C12orf42: variants seen among roughly 807,000 people sequenced by gnomAD.
The protein encoded by C12orf42 is chromosome 12 open reading frame 42.
Under a neutral mutation model 21.6 loss-of-function variants are expected in C12orf42, and 25 were observed. The ratio of observed to expected loss-of-function variants is 1.16; its 90% CI spans 0.84 to 1.62. The LOEUF is 1.62. Among genes scored for constraint, C12orf42 ranks in the 40% most tolerant of loss-of-function variants. The pLI is 0.00. For missense variants in C12orf42, 483 were observed against 459.3 expected (o/e 1.05, Z -0.47); for synonymous variants, 174 against 175.0 (o/e 0.99, Z 0.05).
chr12:103,430,181 C>G (rs956450228), intron 2 of C12orf42, among the ~76,000 whole-genome samples: 1 of 152,182 alleles, frequency 6.6e-6, no homozygotes, highest in African/African-American at 2.4e-5. Flanking sequence ...AGGCAACTTA[C>G]AGAATGGGAG....
At chr12:103,329,421 C>A (rs1299213848) in intron 4 of C12orf42, among the ~76,000 whole-genome samples, 2 of 152,014 alleles carry the variant, frequency 1.3e-5, no homozygotes, top group African/African-American at 2.4e-5. Flanking sequence ...GGGACAAATA[C>A]CTAATGCATG....
intron 4 of C12orf42, among the ~76,000 whole-genome samples, chr12:103,356,161 G>T (rs1265349252): frequency 1.3e-5 from 2 of 151,922 alleles, no homozygotes; most frequent in African/African-American, 4.8e-5. Flanking sequence ...AGGTCACATG[G>T]CTTCTCAGCT....
At chr12:103,064,687 T>A in the C12orf42 span, among the ~76,000 whole-genome samples, 1 of 152,222 alleles carries the variant, frequency 6.6e-6, no homozygotes, top group African/African-American at 2.4e-5. Context: ...ATGCTGTTAA[T>A]CTTTCTCCCA....
At chr12:103,489,518 G>A (rs567704554) in intron 1 of C12orf42, among the ~76,000 whole-genome samples, 4 of 152,244 alleles carry the variant, frequency 2.6e-5, no homozygotes, top group Admixed American at 1.3e-4. Context: ...GTCTGCAGAC[G>A]TTACTGCTGC....
intron 4 of C12orf42, among the ~76,000 whole-genome samples, chr12:103,341,112 CAAA>C (rs34154888): frequency 0.022 from 1,038 of 47,574 alleles, 2 homozygotes; most frequent in Non-Finnish European, 0.035. Flanking sequence ...GACTCTGTCT[CAAA>C]AAAAAAAAAA....
chr12:103,351,873 CA>C (rs1199738190), intron 4 of C12orf42, among the ~76,000 whole-genome samples: 1 of 152,100 alleles, frequency 6.6e-6, no homozygotes, highest in East Asian at 1.9e-4. Context: ...CAAGACACAA[CA>C]AATTCCTTAA....
chr12:103,145,423 T>C, the C12orf42 span, among the ~76,000 whole-genome samples: 1 of 152,162 alleles, frequency 6.6e-6, no homozygotes, highest in Admixed American at 6.5e-5. Context: ...TTGAAAAAGA[T>C]GAACTAAAAT....
the C12orf42 span, among the ~76,000 whole-genome samples, chr12:103,201,458 A>G: frequency 7.2e-5 from 11 of 152,216 alleles, no homozygotes; most frequent in East Asian, 1.9e-3. Context: ...GAAATGGTTC[A>G]TTGTTGTTGC....
chr12:103,397,860 T>C (rs1268129115), intron 3 of C12orf42: 3 of 152,152 alleles, frequency 2.0e-5, no homozygotes, highest in East Asian at 1.9e-4. Flanking sequence ...TACCAGAGTA[T>C]GGTGACTATC....
At chr12:103,297,067 T>A (rs2037341040), downstream of C12orf42, among the ~76,000 whole-genome samples, 1 of 152,224 alleles carries the variant, frequency 6.6e-6, no homozygotes, top group Non-Finnish European at 1.5e-5. Flanking sequence ...CAGTTTCAGC[T>A]TTCTACATAT....
At chr12:103,555,205 A>G in the C12orf42 span, among the ~76,000 whole-genome samples, 3 of 152,088 alleles carry the variant, frequency 2.0e-5, no homozygotes, top group African/African-American at 7.2e-5. Flanking sequence ...AGACTGGGGG[A>G]AAAAAGAGGT....
chr12:103,246,542 G>T (rs1300505544), intron 10 of C12orf42, among the ~76,000 whole-genome samples: 3 of 151,964 alleles, frequency 2.0e-5, no homozygotes, highest in Non-Finnish European at 2.9e-5. Flanking sequence ...CAAAAAAAAA[G>T]ATGTCACTGT....
At chr12:103,321,883 G>A (rs1350612765) in intron 4 of C12orf42, among the ~76,000 whole-genome samples, 4 of 151,332 alleles carry the variant, frequency 2.6e-5, no homozygotes, top group Non-Finnish European at 4.4e-5. Flanking sequence ...GGGAAGGGGG[G>A]AGGGATAGCA....
intron 4 of C12orf42, among the ~76,000 whole-genome samples, chr12:103,324,729 T>C (rs2040508064): frequency 1.3e-5 from 2 of 152,160 alleles, no homozygotes; most frequent in African/African-American, 4.8e-5. Flanking sequence ...CAAATCTCCA[T>C]TTCGGTTCTT....
At chr12:103,415,850 G>A (rs929996431) in intron 2 of C12orf42, among the ~76,000 whole-genome samples, 4 of 152,158 alleles carry the variant, frequency 2.6e-5, no homozygotes, top group African/African-American at 9.6e-5. Context: ...GCTTGATGGT[G>A]TTTTCTTGTG....
chr12:103,407,712 G>A (rs921679335), intron 2 of C12orf42, among the ~76,000 whole-genome samples: 2 of 152,084 alleles, frequency 1.3e-5, no homozygotes, highest in Non-Finnish European at 2.9e-5. Context: ...ATTGCACAGG[G>A]CAACCGCACC....
chr12:103,370,942 C>A (rs957456496), intron 3 of C12orf42, among the ~76,000 whole-genome samples: 1 of 151,974 alleles, frequency 6.6e-6, no homozygotes, highest in African/African-American at 2.4e-5. Context: ...TAATCAGAAC[C>A]AACTTCCCAT....
intron 4 of C12orf42, among the ~76,000 whole-genome samples, chr12:103,340,027 T>C (rs1183955007): frequency 1.3e-5 from 2 of 152,200 alleles, no homozygotes; most frequent in East Asian, 3.8e-4. Flanking sequence ...AGGTAATCCC[T>C]AAGATTATTT....
chr12:103,329,277 A>G (rs1212974550), intron 4 of C12orf42, among the ~76,000 whole-genome samples: 1 of 152,186 alleles, frequency 6.6e-6, no homozygotes, highest in East Asian at 1.9e-4. Flanking sequence ...AAGTATTTTT[A>G]ACATCTCCCA....
Sources: gnomAD v4.1 joint callset for allele counts (sites outside exome capture counted in the v4.1 genomes callset) on GRCh38, gnomAD v4.1.1 for gene constraint, MANE v1.5 for transcripts, NCBI Gene and HGNC (gene_info 2026-07-23, HGNC 2026-07-21) for gene names.